The following TPST1 variants were observed in gnomAD, a reference collection of about 807,000 sequenced individuals.
The protein encoded by TPST1 is tyrosylprotein sulfotransferase 1, also known as protein-tyrosine sulfotransferase 1.
A neutral mutation model predicts 34.8 loss-of-function variants in TPST1; 20 were observed. The observed-to-expected ratio is 0.57, with a 90% CI of 0.40 to 0.84. The LOEUF (loss-of-function observed/expected upper bound fraction) is 0.84. Ranked by LOEUF, TPST1 falls within the 40% of genes least tolerant of loss-of-function variation. TPST1 has a pLI of 0.00. For missense variants in TPST1, 353 were observed against 455.5 expected, an observed-to-expected ratio of 0.78 and a Z score of 2.05; for synonymous variants, 152 against 159.4, an observed-to-expected ratio of 0.95 and a Z score of 0.35.
the TPST1 span, among the ~76,000 whole-genome samples, chr7:66,199,996 C>T: frequency 6.6e-6 from 1 of 152,152 alleles, no homozygotes. Flanking sequence ...TCCCAAAGTG[C>T]TGGGATTACA....
intron 2 of TPST1, among the ~76,000 whole-genome samples, chr7:66,278,534 C>G (rs547321398): frequency 5.9e-5 from 9 of 152,056 alleles, no homozygotes; most frequent in Non-Finnish European, 1.3e-4. Context: ...CCTGTAATCC[C>G]AGCACTTTGG....
intron 2 of TPST1, among the ~76,000 whole-genome samples, chr7:66,285,335 G>A (rs996539349): frequency 8.5e-5 from 13 of 152,162 alleles, no homozygotes; most frequent in African/African-American, 1.4e-4. Context: ...GTTTAAGAAT[G>A]TCAAGCAAAG....
the TPST1 span, among the ~76,000 whole-genome samples, chr7:66,198,888 T>C: frequency 1.3e-5 from 2 of 152,218 alleles, no homozygotes; most frequent in Non-Finnish European, 2.9e-5. Flanking sequence ...CTTAAATCCC[T>C]GTATCCCAGA....
At chr7:66,252,012 T>C (rs1790271949) in intron 2 of TPST1, among the ~76,000 whole-genome samples, 1 of 152,226 alleles carries the variant, frequency 6.6e-6, no homozygotes, top group Non-Finnish European at 1.5e-5. Flanking sequence ...ATATACACTT[T>C]GGATTAGAAT....
At chr7:66,334,433 C>T (rs1792053316) in intron 3 of TPST1, among the ~76,000 whole-genome samples, 1 of 151,746 alleles carries the variant, frequency 6.6e-6, no homozygotes. Context: ...GTCAGGAGTT[C>T]GAGACCAGCC....
upstream of TPST1, among the ~76,000 whole-genome samples, chr7:66,204,352 A>G (rs1212410279): frequency 6.6e-6 from 1 of 152,230 alleles, no homozygotes; most frequent in Non-Finnish European, 1.5e-5. Context: ...AGTAGCTGGG[A>G]CGACAGGCGT....
intron 3 of TPST1, among the ~76,000 whole-genome samples, chr7:66,327,653 G>T (rs1791894246): frequency 2.0e-5 from 3 of 151,726 alleles, no homozygotes; most frequent in African/African-American, 7.3e-5. Context: ...AGTCTGGGAG[G>T]TCAAAGCTGC....
intron 3 of TPST1, among the ~76,000 whole-genome samples, chr7:66,351,399 G>A (rs1792475694): frequency 6.6e-6 from 1 of 152,062 alleles, no homozygotes; most frequent in African/African-American, 2.4e-5. Context: ...GCATCTGAGG[G>A]GCTGTTTCTG....
chr7:66,334,267 A>G (rs1428260861), intron 3 of TPST1, among the ~76,000 whole-genome samples: 2 of 152,144 alleles, frequency 1.3e-5, no homozygotes, highest in Admixed American at 1.3e-4. Flanking sequence ...TAAAGACACT[A>G]GGGGGAGAGT....
intron 3 of TPST1, among the ~76,000 whole-genome samples, chr7:66,292,810 C>A (rs1791111230): frequency 6.6e-6 from 1 of 151,066 alleles, no homozygotes; most frequent in Non-Finnish European, 1.5e-5. Context: ...GCAGAAATCA[C>A]CCGTCTTCTG....
chr7:66,359,702 G>A (rs1197301922), intron 5 of TPST1, among the ~76,000 whole-genome samples, 193 bp from the exon 6 acceptor site: 8 of 152,200 alleles, frequency 5.3e-5, no homozygotes, highest in Non-Finnish European at 4.4e-5. Context: ...ACCAGAGTGA[G>A]GGTGTGTGTG....
intron 1 of TPST1, among the ~76,000 whole-genome samples, chr7:66,227,590 G>A (rs893961907): frequency 1.3e-5 from 2 of 151,558 alleles, no homozygotes; most frequent in African/African-American, 2.4e-5. Context: ...TCTGGATGCC[G>A]AGTTGAGAAT....
chr7:66,306,096 T>C (rs1044034599), intron 3 of TPST1, among the ~76,000 whole-genome samples: 17 of 152,268 alleles, frequency 1.1e-4, no homozygotes, highest in African/African-American at 3.9e-4. Context: ...GATTGCATGA[T>C]TATATTATAT....
At chr7:66,266,051 A>G (rs939160813) in intron 2 of TPST1, among the ~76,000 whole-genome samples, 1 of 152,220 alleles carries the variant, frequency 6.6e-6, no homozygotes, top group African/African-American at 2.4e-5. Context: ...TGCATGAAAG[A>G]ATAAAGAACA....
At chr7:66,316,891 G>T (rs1791643344) in intron 3 of TPST1, among the ~76,000 whole-genome samples, 2 of 152,138 alleles carry the variant, frequency 1.3e-5, no homozygotes, top group Non-Finnish European at 2.9e-5. Flanking sequence ...ATGGACACAT[G>T]GCGGAGAACA....
chr7:66,281,809 G>A (rs1790937161), intron 2 of TPST1, among the ~76,000 whole-genome samples: 1 of 152,194 alleles, frequency 6.6e-6, no homozygotes. Flanking sequence ...TTGGCAGTCA[G>A]CCTGGCTGTA....
At chr7:66,353,224 A>G (rs1369803381) in intron 4 of TPST1, among the ~76,000 whole-genome samples, 2 of 152,170 alleles carry the variant, frequency 1.3e-5, no homozygotes, top group Non-Finnish European at 2.9e-5. Context: ...CTGAGGGAGA[A>G]TCACATGAAC....
intron 3 of TPST1, among the ~76,000 whole-genome samples, chr7:66,339,619 C>T (rs4718335): frequency 0.2 from 31,074 of 151,694 alleles, 3,657 homozygotes; most frequent in East Asian, 0.3. Flanking sequence ...TACTAACAAA[C>T]CAAGTGCAAC....
At chr7:66,309,373 A>G (rs1199623975) in intron 3 of TPST1, among the ~76,000 whole-genome samples, 1 of 152,190 alleles carries the variant, frequency 6.6e-6, no homozygotes, top group Non-Finnish European at 1.5e-5. Flanking sequence ...GTACTCATAT[A>G]TTGATAAATT....
Sources: gnomAD v4.1 joint callset for allele counts (sites outside exome capture counted in the v4.1 genomes callset) on GRCh38, gnomAD v4.1.1 for gene constraint, MANE v1.5 for transcripts, NCBI Gene and HGNC (gene_info 2026-07-23, HGNC 2026-07-21) for gene names.